The following SHANK2 variants were observed in gnomAD, a reference collection of about 807,000 sequenced individuals.
SHANK2 encodes SH3 and multiple ankyrin repeat domains protein 2.
SHANK2 carries 43 observed loss-of-function variants against 133.7 expected under a neutral mutation model. That is an observed-to-expected ratio of 0.32 (90% confidence interval 0.25 to 0.41). The LOEUF is 0.41. Ranked by LOEUF, SHANK2 falls within the 10% of genes least tolerant of loss-of-function variation. The probability of loss-of-function intolerance (pLI) is 1.00; values close to 1 mark genes in which losing one functional copy is unlikely to be tolerated. For missense variants in SHANK2, 1,994 were observed against 2,235.8 expected, an observed-to-expected ratio of 0.89 and a Z score of 2.18; for synonymous variants, 1,017 against 952.8, an observed-to-expected ratio of 1.07 and a Z score of -1.24.
At chr11:71,129,034 C>A (rs1281116291) in intron 3 of SHANK2, among the ~76,000 whole-genome samples, 3 of 152,224 alleles carry the variant, frequency 2.0e-5, no homozygotes, top group Non-Finnish European at 2.9e-5. Context: ...CCATCCGCCT[C>A]GGCCTCCCAA....
chr11:71,094,418 A>G (rs1424528798), intron 7 of SHANK2, 119 bp downstream of exon 7: 13 of 980,490 alleles, frequency 1.3e-5, no homozygotes, highest in Non-Finnish European at 4.5e-6. Flanking sequence ...ACGGACTCCT[A>G]GGGTGGGCCG....
intron 14 of SHANK2, among the ~76,000 whole-genome samples, chr11:70,703,737 A>G (rs1245159636): frequency 1.3e-5 from 2 of 152,214 alleles, no homozygotes; most frequent in Non-Finnish European, 2.9e-5. Flanking sequence ...CTGAGAGGTC[A>G]GCTTCCCAGG....
chr11:70,497,096 G>A, intron 21 of SHANK2: 1 of 452,380 alleles, frequency 2.2e-6, no homozygotes, highest in Non-Finnish European at 4.4e-6. Context: ...TCGTTTTTAA[G>A]TTAGAGTTAG....
chr11:70,676,669 G>A (rs1309056314), intron 15 of SHANK2, among the ~76,000 whole-genome samples: 4 of 152,170 alleles, frequency 2.6e-5, no homozygotes, highest in African/African-American at 9.7e-5. Flanking sequence ...TGGAGTGAGG[G>A]GGCAGGGTAG....
At chr11:70,540,322 C>T (rs552305743) in intron 17 of SHANK2, among the ~76,000 whole-genome samples, 15 of 152,028 alleles carry the variant, frequency 9.9e-5, no homozygotes, top group South Asian at 6.2e-4. Context: ...GCAAGCGGGG[C>T]GCCCACGGGC....
In SHANK2 at chr11:71,086,257, GTTATATATTATATATGTTATA is replaced by G. The variant is rs1951412240; in HGVS notation, c.912+6144_912+6164del. On this transcript the variant is annotated intron_variant, in intron 8 of 25. Coordinates refer to ENST00000601538, the MANE Select transcript of SHANK2 (RefSeq NM_012309.5). ...TTATATAATATATTATGTTATATAT[GTTATATATTATATATGTTATA>G]TTATATATGTTATATAAGATGTTAT... Among the ~76,000 whole-genome samples, 42 of 51,210 alleles carry G rather than the reference GTTATATATTATATATGTTATA, an allele frequency of 8.2e-4. 2 individuals carry two copies. The highest frequency in any genetic ancestry group is 1.2e-3 in the Non-Finnish European group (36 of 31,046). The allele number at this position is 51,210 out of a possible 152,430, so 33.6% of individuals were successfully genotyped here.
At chr11:70,888,542 C>T (rs564412230) in intron 11 of SHANK2, among the ~76,000 whole-genome samples, 7 of 152,254 alleles carry the variant, frequency 4.6e-5, no homozygotes, top group South Asian at 2.1e-4. Context: ...GGGCCGAGCG[C>T]GGTGGTTCAC....
intron 10 of SHANK2, among the ~76,000 whole-genome samples, chr11:70,913,761 C>G (rs1323133571): frequency 1.3e-5 from 2 of 152,196 alleles, no homozygotes; most frequent in Non-Finnish European, 2.9e-5. Context: ...GGCATCCTCT[C>G]CAGAGACGAG....
At chr11:70,849,817 TA>T (rs1367457901) in intron 11 of SHANK2, among the ~76,000 whole-genome samples, 4 of 151,992 alleles carry the variant, frequency 2.6e-5, no homozygotes, top group Non-Finnish European at 5.9e-5. Context: ...TCTCTTTTTT[TA>T]AAAAAAATGT....
intron 2 of SHANK2, among the ~76,000 whole-genome samples, chr11:71,183,302 C>T (rs961700169): frequency 3.3e-5 from 5 of 152,052 alleles, no homozygotes; most frequent in Non-Finnish European, 7.3e-5. Context: ...ATGGAACAGG[C>T]TGCCCGACTC....
chr11:70,594,404 C>G (rs7939679), intron 17 of SHANK2, among the ~76,000 whole-genome samples: 2 of 151,540 alleles, frequency 1.3e-5, no homozygotes, highest in African/African-American at 2.4e-5. Context: ...GAGGAACCCA[C>G]GTATATGAAA....
intron 3 of SHANK2, among the ~76,000 whole-genome samples, chr11:71,146,208 C>T (rs1342123968): frequency 6.6e-6 from 1 of 152,234 alleles, no homozygotes; most frequent in African/African-American, 2.4e-5. Context: ...CGATTTGAGG[C>T]CACATGTGGC....
At chr11:70,949,402 G>A (rs782024017) in intron 10 of SHANK2, among the ~76,000 whole-genome samples, 1 of 152,238 alleles carries the variant, frequency 6.6e-6, no homozygotes, top group Non-Finnish European at 1.5e-5. Flanking sequence ...ACCCTGGGCT[G>A]CACAAGCTCA....
intron 15 of SHANK2, among the ~76,000 whole-genome samples, chr11:70,670,760 G>T (rs1271311994): frequency 3.3e-5 from 5 of 152,236 alleles, no homozygotes; most frequent in Admixed American, 6.5e-5. Flanking sequence ...GCCCCGGCCA[G>T]CCTGCTCCTG....
At chr11:70,602,426 A>G (rs1758878089) in intron 17 of SHANK2, among the ~76,000 whole-genome samples, 1 of 152,200 alleles carries the variant, frequency 6.6e-6, no homozygotes, top group Admixed American at 6.5e-5. Context: ...ACCTACACTC[A>G]GACATCAGGA....
chr11:70,852,265 T>C (rs1339206652), intron 11 of SHANK2, among the ~76,000 whole-genome samples: 1 of 152,188 alleles, frequency 6.6e-6, no homozygotes, highest in Non-Finnish European at 1.5e-5. Context: ...TGGCTCCTGC[T>C]TAGAAGCTTT....
chr11:71,078,127 A>C (rs1951245298), intron 8 of SHANK2, among the ~76,000 whole-genome samples: 1 of 151,720 alleles, frequency 6.6e-6, no homozygotes, highest in East Asian at 1.9e-4. Context: ...GGAAAGAGCA[A>C]GGTGAGCTTG....
In SHANK2 at chr11:70,502,792, G is replaced by A. The variant is rs782285800; in HGVS notation, c.2197+4C>T. Reference sequence around the variant, plus strand: ...GCTGGAGCTGGGCGATGTGGGGCATGTACCTTTCTTCCTGGCGGTGTCGTC... The same window carrying A: ...GCTGGAGCTGGGCGATGTGGGGCATATACCTTTCTTCCTGGCGGTGTCGTC... On this transcript the variant is annotated splice_donor_region_variant and intron_variant, in intron 18 of 25. Transcript: ENST00000601538. 14 of 1,588,576 alleles carry A rather than the reference G, an allele frequency of 8.8e-6. No individual in the cohort carries two copies. The highest frequency in any genetic ancestry group is 3.5e-5 in the Admixed American group (2 of 56,798).
rs995016696 is a variant in SHANK2, at chr11:71,072,342, G to A, written c.1029+2817C>T. ...CTGCTTCACCTCCCCGTGAGGCCAC[G>A]GTGCACACACTGGGCGGGGTGTCAC... is the stretch of plus-strand genomic sequence containing the variant. On this transcript the variant is annotated intron_variant, in intron 9 of 25. Transcript: ENST00000601538. Among the ~76,000 whole-genome samples the A allele has an allele frequency of 1.6e-3, 251 of 152,240 alleles. 2 individuals carry two copies. The highest frequency in any genetic ancestry group is 5.8e-3 in the African/African-American group (242 of 41,542).
Sources: allele counts gnomAD v4.1 joint callset (sites outside exome capture counted in the v4.1 genomes callset), GRCh38; gene constraint gnomAD v4.1.1; transcripts MANE v1.5; gene names NCBI Gene and HGNC (gene_info 2026-07-23, HGNC 2026-07-21).